Variants in MARCHF1 observed in about 807,000 individuals in gnomAD.
MARCHF1 encodes the protein membrane associated ring-CH-type finger 1.
In MARCHF1, 40 loss-of-function variants were observed where a neutral mutation model predicts 54.2. The observed-to-expected ratio is 0.74, with a 90% CI of 0.57 to 0.96. The LOEUF (loss-of-function observed/expected upper bound fraction) is 0.96, where lower values mean the gene tolerates loss of function less well. Ranked by LOEUF, MARCHF1 falls within the 40% of genes least tolerant of loss-of-function variation. MARCHF1 has a pLI of 0.00. For synonymous variants in MARCHF1, 236 were observed against 236.3 expected (o/e 1.00, Z 0.01); for missense variants, 586 against 656.5 (o/e 0.89, Z 1.17).
intron 1 of MARCHF1, among the ~76,000 whole-genome samples, chr4:164,334,566 T>C (rs969402458): frequency 6.6e-6 from 1 of 152,000 alleles, no homozygotes; most frequent in Non-Finnish European, 1.5e-5. Context: ...TCATTGACAA[T>C]GCACCCGATC....
chr4:163,626,868 A>G (rs1741889781), intron 5 of MARCHF1, among the ~76,000 whole-genome samples: 1 of 152,122 alleles, frequency 6.6e-6, no homozygotes, highest in Non-Finnish European at 1.5e-5. Flanking sequence ...TGGAGGTTGC[A>G]GTGAGCGAGA....
chr4:164,291,986 TAA>T (rs1560990004), intron 1 of MARCHF1, among the ~76,000 whole-genome samples: 1 of 152,144 alleles, frequency 6.6e-6, no homozygotes, highest in South Asian at 2.1e-4. Context: ...TACATTTTGC[TAA>T]AGTCACAATT....
chr4:163,938,490 T>G (rs1459520195), intron 3 of MARCHF1, among the ~76,000 whole-genome samples: 1 of 152,130 alleles, frequency 6.6e-6, no homozygotes, highest in South Asian at 2.1e-4. Context: ...TAAGGAAAAG[T>G]GCACACTGTG....
intron 1 of MARCHF1, among the ~76,000 whole-genome samples, chr4:164,251,382 A>G (rs564529767): frequency 1.8e-4 from 28 of 152,168 alleles, no homozygotes; most frequent in South Asian, 4.1e-4. Flanking sequence ...GAGGTTGAGA[A>G]CATTTGACAA....
At chr4:163,626,378 C>A (rs569229741) in intron 5 of MARCHF1, among the ~76,000 whole-genome samples, 1 of 152,200 alleles carries the variant, frequency 6.6e-6, no homozygotes, top group African/African-American at 2.4e-5. Context: ...TTCCTGGTGC[C>A]CTGACCAGTT....
intron 2 of MARCHF1, among the ~76,000 whole-genome samples, chr4:164,071,596 T>G (rs1754868508): frequency 6.6e-6 from 1 of 152,160 alleles, no homozygotes; most frequent in Non-Finnish European, 1.5e-5. Context: ...GAAAACATAA[T>G]GACAGTTCCC....
chr4:163,817,972 GA>G (rs1209389399), intron 4 of MARCHF1, among the ~76,000 whole-genome samples: 49 of 97,202 alleles, frequency 5.0e-4, no homozygotes, highest in Non-Finnish European at 8.0e-4. Flanking sequence ...GGGGTGGGGG[GA>G]GGGGGGAGGG....
intron 1 of MARCHF1, among the ~76,000 whole-genome samples, chr4:164,145,563 G>C (rs539167509): frequency 7.9e-4 from 120 of 152,132 alleles, no homozygotes; most frequent in African/African-American, 2.8e-3. Flanking sequence ...CAGAAGCAAA[G>C]ACAAAAACCA....
At chr4:163,547,949 C>A (rs1023483227) in intron 8 of MARCHF1, among the ~76,000 whole-genome samples, 3 of 152,002 alleles carry the variant, frequency 2.0e-5, no homozygotes, top group Admixed American at 6.5e-5. Context: ...TTATTCCAAG[C>A]ATAACAAAGG....
intron 1 of MARCHF1, among the ~76,000 whole-genome samples, chr4:164,329,602 G>A (rs1579725157): frequency 6.6e-6 from 1 of 152,236 alleles, no homozygotes; most frequent in East Asian, 1.9e-4. Context: ...CGTTTAATTG[G>A]CTCACAGTTT....
At chr4:163,817,015 T>C (rs1469513559) in intron 4 of MARCHF1, among the ~76,000 whole-genome samples, 1 of 152,156 alleles carries the variant, frequency 6.6e-6, no homozygotes, top group Non-Finnish European at 1.5e-5. Flanking sequence ...ACTCTGTCTC[T>C]GCTCTTTCAG....
intron 2 of MARCHF1, among the ~76,000 whole-genome samples, chr4:164,046,643 G>T (rs529382858): frequency 1.4e-4 from 21 of 152,208 alleles, no homozygotes; most frequent in African/African-American, 4.6e-4. Context: ...TCTAAGATAA[G>T]AAATATTAAT....
chr4:163,989,388 A>T (rs1752931775), intron 2 of MARCHF1, among the ~76,000 whole-genome samples: 1 of 152,116 alleles, frequency 6.6e-6, no homozygotes, highest in South Asian at 2.1e-4. Flanking sequence ...CATTCAGTGC[A>T]CCTTTCTTAC....
intron 8 of MARCHF1, among the ~76,000 whole-genome samples, chr4:163,549,487 A>G (rs1450045747): frequency 2.6e-5 from 4 of 151,936 alleles, no homozygotes; most frequent in Non-Finnish European, 1.5e-5. Flanking sequence ...CAATGTCTAC[A>G]CTGCCGACCC....
chr4:164,124,664 T>C (rs1756142621), intron 1 of MARCHF1, among the ~76,000 whole-genome samples: 1 of 152,076 alleles, frequency 6.6e-6, no homozygotes, highest in Non-Finnish European at 1.5e-5. Context: ...TTAAGTGAAA[T>C]AAGCCAGGCA....
intron 1 of MARCHF1, among the ~76,000 whole-genome samples, chr4:164,159,939 A>G (rs1040350810): frequency 1.3e-5 from 2 of 152,056 alleles, no homozygotes; most frequent in African/African-American, 4.8e-5. Context: ...CAGTGTTCTG[A>G]CCTATAAAAT....
intron 1 of MARCHF1, among the ~76,000 whole-genome samples, chr4:164,145,230 T>C (rs1034033935): frequency 1.3e-5 from 2 of 152,166 alleles, no homozygotes; most frequent in African/African-American, 4.8e-5. Context: ...CACAGCCGAA[T>C]TTTACCAGAG....
rs148681185 is a variant in MARCHF1, at chr4:164,177,806, G to GAGACACACACACACAC, written c.-322-66145_-322-66144insGTGTGTGTGTGTGTCT. Among the ~76,000 whole-genome samples the GAGACACACACACACAC allele has an allele frequency of 1.2e-3, 173 of 149,308 alleles. 1 individual carries two copies. The highest frequency in any genetic ancestry group is 3.8e-3 in the African/African-American group (153 of 40,794). On this transcript the variant is annotated intron_variant, in intron 1 of 9. Transcript: ENST00000514618. ...TCAATCTCAGTGTGTGTATGAAAGA[G>GAGACACACACACACAC]ACACACACACACACACACACACACA...
At chr4:163,887,322 C>T (rs1579366859) in intron 3 of MARCHF1, among the ~76,000 whole-genome samples, 1 of 151,768 alleles carries the variant, frequency 6.6e-6, no homozygotes, top group Non-Finnish European at 1.5e-5. Context: ...GAGATGGAGC[C>T]AATCACTCAA....
Sources: allele counts gnomAD v4.1 joint callset (sites outside exome capture counted in the v4.1 genomes callset), GRCh38; gene constraint gnomAD v4.1.1; transcripts MANE v1.5; gene names NCBI Gene and HGNC (gene_info 2026-07-23, HGNC 2026-07-21).